Variants in LTBP1 observed in about 807,000 individuals in gnomAD.
LTBP1 encodes latent transforming growth factor beta binding protein 1.
In LTBP1, 129 loss-of-function variants were observed where a neutral mutation model predicts 207.6. That is an observed-to-expected ratio of 0.62 (90% confidence interval 0.54 to 0.72). The LOEUF (loss-of-function observed/expected upper bound fraction) is 0.72. Among genes scored for constraint, LTBP1 ranks in the 30% least tolerant of loss-of-function variants. The pLI is 0.00. For missense variants in LTBP1, 2,281 were observed against 2,217.2 expected (o/e 1.03, Z -0.58); for synonymous variants, 963 against 833.7 (o/e 1.16, Z -2.67).
chr2:32,993,600 C>G (rs992961012), intron 2 of LTBP1, among the ~76,000 whole-genome samples: 1 of 152,134 alleles, frequency 6.6e-6, no homozygotes, highest in Non-Finnish European at 1.5e-5. Context: ...CACTAGGAGA[C>G]CATAGAAATG....
At position 33,134,500 on chromosome 2, in the gene LTBP1, A is replaced by G. The variant is rs966819447; in HGVS notation, c.1034-293A>G. On this transcript the variant is annotated intron_variant, in intron 4 of 33. Coordinates refer to ENST00000404816, the MANE Select transcript of LTBP1 (RefSeq NM_206943.4). This position sits in a 1 kb window ranked among gnomAD's most constrained non-coding sequence, Gnocchi z 4.4. ...TGTCTGCCCGTGAATAAAGTGCAGC[A>G]TTGTGGTTAGTAATCCCACTCCAGT... The G allele has an allele frequency of 8.9e-6, 12 of 1,352,946 alleles. No individual in the cohort carries two copies. The highest frequency in any genetic ancestry group is 1.2e-5 in the South Asian group (1 of 80,238). 83.8% of individuals were successfully genotyped at this position (1,352,946 alleles called of 1,614,324 possible).
At chr2:33,342,988 C>T (rs79463530) in intron 25 of LTBP1, 25 bp downstream of exon 25, 47,215 of 1,603,228 alleles carry the variant, frequency 0.029, 796 homozygotes, top group Middle Eastern at 0.093. Flanking sequence ...TTTTTCCCAA[C>T]GTGTTTCACA....
intron 24 of LTBP1, among the ~76,000 whole-genome samples, chr2:33,339,546 T>C (rs1427286589): frequency 1.3e-5 from 2 of 152,230 alleles, no homozygotes. Flanking sequence ...AGCCTCATGC[T>C]GACATTGAAA....
At chr2:33,006,172 C>G (rs1015747713) in intron 2 of LTBP1, among the ~76,000 whole-genome samples, 2 of 152,108 alleles carry the variant, frequency 1.3e-5, no homozygotes, top group African/African-American at 4.8e-5. Flanking sequence ...ACCTGCTCAT[C>G]TTAGCCTCCC....
At chr2:33,259,827 A>T (rs531401708) in intron 13 of LTBP1, among the ~76,000 whole-genome samples, 1 of 152,184 alleles carries the variant, frequency 6.6e-6, no homozygotes, top group East Asian at 1.9e-4. Flanking sequence ...TAGAGAACAA[A>T]TAGGACAAAA....
chr2:33,315,641 CTG>C (rs1396481899), intron 24 of LTBP1, among the ~76,000 whole-genome samples: 1 of 152,064 alleles, frequency 6.6e-6, no homozygotes, highest in African/African-American at 2.4e-5. Flanking sequence ...CTTGATCATT[CTG>C]TGTGTAAAAA....
chr2:33,267,773 G>C (rs998069341), intron 15 of LTBP1, among the ~76,000 whole-genome samples: 3 of 152,176 alleles, frequency 2.0e-5, no homozygotes, highest in African/African-American at 7.2e-5. Context: ...AGTTCAGTTA[G>C]GTAAATGCAG....
intron 2 of LTBP1, among the ~76,000 whole-genome samples, chr2:32,968,792 C>T (rs1181359348): frequency 2.0e-5 from 3 of 150,534 alleles, no homozygotes; most frequent in East Asian, 3.9e-4. Flanking sequence ...GGTGCAGTCT[C>T]ATCTCACTGC....
chr2:33,050,584 G>T (rs2076684801), intron 3 of LTBP1, among the ~76,000 whole-genome samples: 1 of 151,968 alleles, frequency 6.6e-6, no homozygotes, highest in African/African-American at 2.4e-5. Flanking sequence ...TAAGTTTAAA[G>T]CAAAGTAGTA....
At chr2:32,984,672 A>G (rs1440851350) in intron 2 of LTBP1, among the ~76,000 whole-genome samples, 1 of 152,298 alleles carries the variant, frequency 6.6e-6, no homozygotes, top group Admixed American at 6.5e-5. Context: ...CTGTAATCCC[A>G]GCACTTTGGA....
intron 7 of LTBP1, among the ~76,000 whole-genome samples, chr2:33,200,787 A>T (rs1016643895): frequency 6.7e-6 from 1 of 149,438 alleles, no homozygotes; most frequent in Non-Finnish European, 1.5e-5. Context: ...CAAGAAAAAA[A>T]CAAACAACCC....
At chr2:32,975,826 C>T (rs904296265) in intron 2 of LTBP1, among the ~76,000 whole-genome samples, 3 of 151,844 alleles carry the variant, frequency 2.0e-5, no homozygotes, top group Non-Finnish European at 2.9e-5. Context: ...CCTCAGATTC[C>T]ATTGATTGAG....
At chr2:33,043,182 C>G (rs1020093680) in intron 3 of LTBP1, among the ~76,000 whole-genome samples, 3 of 152,158 alleles carry the variant, frequency 2.0e-5, no homozygotes, top group African/African-American at 4.8e-5. Context: ...AACATTATGG[C>G]AGGAAGTCCT....
intron 24 of LTBP1, among the ~76,000 whole-genome samples, chr2:33,317,155 G>A (rs1203446023): frequency 6.6e-6 from 1 of 152,118 alleles, no homozygotes; most frequent in Non-Finnish European, 1.5e-5. Context: ...TTTAGTTGCA[G>A]CTCTAATTTT....
At chr2:33,304,149 G>A (rs556860128) in intron 22 of LTBP1, among the ~76,000 whole-genome samples, 3 of 152,228 alleles carry the variant, frequency 2.0e-5, no homozygotes, top group Non-Finnish European at 1.5e-5. Context: ...ACTATGTTCC[G>A]TAAGAAAGCT....
At position 33,300,488 on chromosome 2, in the gene LTBP1, C is replaced by T. The variant is rs563852811; in HGVS notation, c.3273C>T (p.Asn1091=). The T allele has an allele frequency of 1.8e-5, 29 of 1,613,578 alleles. No individual in the cohort carries two copies. Among genetic ancestry groups the T allele is most frequent in the South Asian group, 9.9e-5 (9 of 91,062 alleles). ...DECQQGNLCV[N]GQCKNTEGSF... is the part of the protein sequence containing the mutation. ...GTCAGCAAGGGAATCTATGTGTAAA[C>T]GGGCAGTGCAAAAATACCGAGGGCT... Residue 1091 remains asparagine, a synonymous_variant, in exon 21 of 34, where the codon AAC becomes AAT. Coordinates refer to ENST00000404816, the MANE Select transcript of LTBP1 (RefSeq NM_206943.4).
At chr2:32,971,919 T>A (rs1680939745) in intron 2 of LTBP1, among the ~76,000 whole-genome samples, 1 of 152,160 alleles carries the variant, frequency 6.6e-6, no homozygotes, top group South Asian at 2.1e-4. Flanking sequence ...GCTGTGAATC[T>A]TTCTGGTGTT....
At chr2:33,204,725 G>C (rs1018703081) in intron 7 of LTBP1, among the ~76,000 whole-genome samples, 6 of 152,198 alleles carry the variant, frequency 3.9e-5, no homozygotes, top group African/African-American at 1.4e-4. Context: ...GAGTATAGGT[G>C]TGTGCCACCA....
chr2:33,063,516 TA>T (rs1216289913), intron 3 of LTBP1, among the ~76,000 whole-genome samples: 2 of 152,202 alleles, frequency 1.3e-5, no homozygotes, highest in Admixed American at 1.3e-4. Flanking sequence ...AAAATTATTT[TA>T]ACATTTAATG....
Sources: gnomAD v4.1 joint callset for allele counts (sites outside exome capture counted in the v4.1 genomes callset) on GRCh38, gnomAD v4.1.1 for gene constraint, Gnocchi (gnomAD v3.1) non-coding constraint, MANE v1.5 for transcripts, NCBI Gene and HGNC (gene_info 2026-07-23, HGNC 2026-07-21) for gene names.